Variants in CPD observed in about 807,000 individuals in gnomAD.
CPD encodes metallocarboxypeptidase D.
Under a neutral mutation model 138.3 loss-of-function variants are expected in CPD, and 69 were observed. That is an observed-to-expected ratio of 0.50 (90% CI 0.41 to 0.61). CPD has a LOEUF of 0.61. Among genes scored for constraint, CPD ranks in the 20% least tolerant of loss-of-function variants. The probability of loss-of-function intolerance (pLI) is 0.00; values close to 1 mark genes in which losing one functional copy is unlikely to be tolerated. For missense variants in CPD, 1,432 were observed against 1,733.3 expected (o/e 0.83, Z 3.09); for synonymous variants, 651 against 642.1 (o/e 1.01, Z -0.21).
At chr17:30,397,915 A>G (rs1407419403) in intron 2 of CPD, among the ~76,000 whole-genome samples, 2 of 151,290 alleles carry the variant, frequency 1.3e-5, no homozygotes, top group East Asian at 3.9e-4. Context: ...AGTGGTTCAC[A>G]CAGTGTAATT....
chr17:30,383,976 C>CAT (rs1468337269), intron 1 of CPD, among the ~76,000 whole-genome samples: 1 of 151,978 alleles, frequency 6.6e-6, no homozygotes, highest in African/African-American at 2.4e-5. Flanking sequence ...AGGAATTCTT[C>CAT]AGTATTTCTA....
intron 6 of CPD, among the ~76,000 whole-genome samples, chr17:30,426,997 A>G (rs1912430371): frequency 6.6e-6 from 1 of 152,108 alleles, no homozygotes; most frequent in South Asian, 2.1e-4. Flanking sequence ...CCTGGCCAAC[A>G]TGGTGAAACC....
chr17:30,421,225 G>A (rs1209668352), intron 3 of CPD, among the ~76,000 whole-genome samples: 2 of 151,988 alleles, frequency 1.3e-5, no homozygotes, highest in Non-Finnish European at 2.9e-5. Flanking sequence ...TCCTATCTTG[G>A]AACACTTACT....
Position 30,423,526 on chromosome 17 carries a change from A to C in CPD, c.1678A>C (p.Ile560Leu), listed in dbSNP as rs531960935. 3 of 1,582,146 alleles carry C rather than the reference A, an allele frequency of 1.9e-6. No individual in the cohort carries two copies. Among genetic ancestry groups the C allele is most frequent in the Non-Finnish European group, 2.6e-6 (3 of 1,167,112 alleles). The change falls in exon 6 of 21, where the codon ATT (isoleucine) becomes CTT (leucine). Residue 560 changes from isoleucine to leucine, a missense_variant. Coordinates refer to ENST00000225719, the MANE Select transcript of CPD (RefSeq NM_001304.5). ...HEPGEPEFKY[I>L]GNMHGNEVVG... is the part of the protein sequence containing the mutation. ...TTCAGGTGAACCAGAATTTAAGTAC[A>C]TTGGAAATATGCATGGAAATGAAGT...
intron 11 of CPD, chr17:30,444,225 G>A: frequency 3.2e-6 from 1 of 310,642 alleles, no homozygotes; most frequent in Admixed American, 4.4e-5. Flanking sequence ...CTTCCAACCT[G>A]GACATTAAAC....
intron 18 of CPD, among the ~76,000 whole-genome samples, chr17:30,461,518 C>A (rs1597739382): frequency 6.6e-6 from 1 of 152,252 alleles, no homozygotes; most frequent in Admixed American, 6.5e-5. Context: ...TTTGACCTTG[C>A]AAGATGCTGC....
chr17:30,453,428 G>A (rs1913216323), intron 14 of CPD, among the ~76,000 whole-genome samples: 1 of 152,226 alleles, frequency 6.6e-6, no homozygotes, highest in South Asian at 2.1e-4. Context: ...TTGACTCCAT[G>A]TCTTGCATCT....
intron 20 of CPD, 102 bp from the exon 21 acceptor site, chr17:30,464,486 A>C: frequency 7.0e-6 from 6 of 853,286 alleles, no homozygotes; most frequent in Non-Finnish European, 1.1e-5. Context: ...AAATAGAAAT[A>C]AAATAAATGA....
intron 10 of CPD, among the ~76,000 whole-genome samples, chr17:30,443,185 C>G (rs969992749): frequency 6.6e-6 from 1 of 152,004 alleles, no homozygotes; most frequent in Non-Finnish European, 1.5e-5. Flanking sequence ...ATATTTTTGA[C>G]TGAACTATTG....
rs1481755422 is a variant in CPD at position 30,466,813 on chromosome 17, T to TA, written c.*2001dup. The TA allele has an allele frequency of 2.0e-5, 3 of 152,414 alleles. No individual in the cohort carries two copies. Among genetic ancestry groups the TA allele is most frequent in the African/African-American group, 7.2e-5 (3 of 41,474 alleles). The allele number at this position is 152,414 out of a possible 1,614,324, so 9.4% of individuals were successfully genotyped here. On this transcript the variant is annotated 3_prime_UTR_variant, in exon 21 of 21. Coordinates refer to ENST00000225719, the MANE Select transcript of CPD (RefSeq NM_001304.5). ...TTCTCTCTTGGATCAAATATGTCTT[T>TA]AACTGTACATCTCAGTGGCTGGAGG... is the stretch of plus-strand genomic sequence containing the variant.
chr17:30,438,833 C>G, intron 8 of CPD, 142 bp from the exon 9 acceptor site: 1 of 510,266 alleles, frequency 2.0e-6, no homozygotes, highest in East Asian at 3.5e-5. Flanking sequence ...AGTCTCACTG[C>G]TCATAGCCCC....
At chr17:30,437,927 C>G (rs1002924065) in intron 8 of CPD, among the ~76,000 whole-genome samples, 4 of 151,482 alleles carry the variant, frequency 2.6e-5, no homozygotes, top group Non-Finnish European at 1.5e-5. Context: ...GCCTCAACCT[C>G]CTGGGGTCAA....
At position 30,464,898 on chromosome 17, in the gene CPD, ACT is replaced by A; in HGVS notation, c.*89_*90del. 9.6e-7 allele frequency: 1 copy of A among 1,043,286 alleles called. No individual in the cohort carries two copies. The highest frequency in any genetic ancestry group is 1.4e-5 in the South Asian group (1 of 73,958). The allele number at this position is 1,043,286 out of a possible 1,614,324, so 64.6% of individuals were successfully genotyped here. On this transcript the variant is annotated 3_prime_UTR_variant, in exon 21 of 21. Coordinates refer to ENST00000225719, the MANE Select transcript of CPD (RefSeq NM_001304.5). ...GGAGAACACTGCATTAAGAAGAGAG[ACT>A]CTCTTGCTTCTTCAAAGAGCTTTGG...
chr17:30,431,729 T>C (rs1443479370), intron 7 of CPD, 43 bp from the exon 8 acceptor site: 1 of 1,309,958 alleles, frequency 7.6e-7, no homozygotes, highest in East Asian at 2.3e-5. Context: ...ATAATCCATC[T>C]TGAAACAGAC....
intron 2 of CPD, among the ~76,000 whole-genome samples, chr17:30,413,235 G>C (rs908875526): frequency 6.6e-6 from 1 of 152,162 alleles, no homozygotes; most frequent in Admixed American, 6.5e-5. Context: ...GTGTGTTTAC[G>C]TGTATATGTA....
intron 11 of CPD, 31 bp from the exon 12 acceptor site, chr17:30,445,660 G>A (rs772522264): frequency 2.7e-6 from 4 of 1,485,314 alleles, no homozygotes; most frequent in Non-Finnish European, 3.6e-6. Context: ...AGCTGCAGGA[G>A]TGTGGTTCTG....
intron 2 of CPD, among the ~76,000 whole-genome samples, chr17:30,420,390 A>G (rs1844677849): frequency 6.6e-6 from 1 of 151,986 alleles, no homozygotes; most frequent in African/African-American, 2.4e-5. Flanking sequence ...TGTACCCTTT[A>G]TTTTCTTTCT....
At chr17:30,446,444 C>T (rs1185318811) in intron 12 of CPD, among the ~76,000 whole-genome samples, 11 of 152,000 alleles carry the variant, frequency 7.2e-5, no homozygotes, top group Admixed American at 2.0e-4. Flanking sequence ...TTTGTCCTTG[C>T]GATAGTTTGC....
intron 2 of CPD, among the ~76,000 whole-genome samples, chr17:30,393,649 T>C (rs1847480864): frequency 6.6e-6 from 1 of 152,138 alleles, no homozygotes; most frequent in African/African-American, 2.4e-5. Flanking sequence ...ATAACATAAA[T>C]AAACCAATCT....
Sources: allele counts gnomAD v4.1 joint callset (sites outside exome capture counted in the v4.1 genomes callset), GRCh38; gene constraint gnomAD v4.1.1; transcripts MANE v1.5; gene names NCBI Gene and HGNC (gene_info 2026-07-23, HGNC 2026-07-21).